The following RTL5 variants were observed in gnomAD, a reference collection of about 807,000 sequenced individuals.
RTL5 encodes the protein retrotransposon Gag like 5.
RTL5 carries 8 observed loss-of-function variants against 7.7 expected under a neutral mutation model. The observed-to-expected ratio is 1.04, with a 90% confidence interval of 0.61 to 1.88. The LOEUF is 1.88. Among genes scored for constraint, RTL5 ranks in the 40% most tolerant of loss-of-function variants. The probability of loss-of-function intolerance (pLI) is 0.00; values close to 1 mark genes in which losing one functional copy is unlikely to be tolerated. For synonymous variants in RTL5, 188 were observed against 191.8 expected (o/e 0.98, Z 0.16); for missense variants, 457 against 472.7 (o/e 0.97, Z 0.31).
chrX:72,131,292 TTCTCCCCCGGGAATG>T, exon 1 of RTL5: 1 of 1,198,308 alleles, frequency 8.3e-7, no homozygotes, highest in Non-Finnish European at 1.1e-6. Flanking sequence ...AGAAGGGCAG[TTCTCCCCCGGGAATG>T]ACTTCGATCT....
chrX:72,129,783 G>A, exon 1 of RTL5: 3 of 1,122,429 alleles, frequency 2.7e-6, no homozygotes, highest in East Asian at 6.0e-5. Context: ...GCAGGGGCGG[G>A]GGATGCAAAA....
chrX:72,131,092 C>A lies in RTL5; in HGVS notation c.449G>T (p.Arg150Leu). Reference sequence around the variant, plus strand: ...TCCTGAAAAGGGCTCTATCTCAGGCCGCTCCAGCGGTGCCAGAGGGGGTTG... The same window carrying A: ...TCCTGAAAAGGGCTCTATCTCAGGCAGCTCCAGCGGTGCCAGAGGGGGTTG... Residue 150 changes from arginine to leucine, a missense_variant, in exon 1 of 1, where the codon CGG (arginine) becomes CTG (leucine). Arg to Leu is a moderately radical substitution (Grantham distance 102). Coordinates refer to ENST00000609883, the Ensembl canonical transcript of RTL5. 8.3e-7 allele frequency: 1 copy of A among 1,208,499 alleles called. No individual in the cohort carries two copies. The highest frequency in any genetic ancestry group is 1.1e-6 in the Non-Finnish European group (1 of 894,267).
exon 1 of RTL5, chrX:72,131,439 G>A: frequency 8.3e-7 from 1 of 1,210,999 alleles, no homozygotes; most frequent in Non-Finnish European, 1.1e-6. Context: ...TCCCGAGCTG[G>A]AGGCCCAAAT....
chrX:72,129,493 T>G, exon 1 of RTL5: 1 of 228,432 alleles, frequency 4.4e-6, no homozygotes, highest in Non-Finnish European at 8.0e-6. Context: ...GAGGTGAGGG[T>G]TAGGAACAAC....
chrX:72,131,125 G>A, exon 1 of RTL5: 2 of 1,201,757 alleles, frequency 1.7e-6, no homozygotes, highest in Non-Finnish European at 2.2e-6. Flanking sequence ...TTGCGGGGGC[G>A]GTTCCTTTGA....
At position 72,131,296 on chromosome X, in the gene RTL5, C is replaced by A. The variant is rs1158538742; in HGVS notation, c.245G>T (p.Gly82Val). The change falls in exon 1 of 1, where the codon GGA becomes GTA. Residue 82 changes from glycine to valine, a missense_variant. Physicochemically the swap from Gly to Val is moderately radical, Grantham distance 109. Coordinates refer to ENST00000609883, the Ensembl canonical transcript of RTL5. The stretch of plus-strand genomic sequence containing the variant: ...AGGCCGGCACAAGAAGGGCAGTTCT[C>A]CCCCGGGAATGACTTCGATCTCACT... The A allele has an allele frequency of 4.2e-6, 5 of 1,195,595 alleles. No homozygotes were observed. The African/African-American group carries it at 7.2e-5, about 17-fold the overall frequency.
exon 1 of RTL5, chrX:72,131,777 C>T: frequency 4.3e-6 from 1 of 232,986 alleles, no homozygotes; most frequent in Non-Finnish European, 7.4e-6. Context: ...CCGGAGAGGG[C>T]GGGCGGAGGC....
exon 1 of RTL5, chrX:72,130,182 C>T: frequency 8.3e-7 from 1 of 1,210,798 alleles, no homozygotes; most frequent in South Asian, 1.8e-5. Flanking sequence ...CCAGTGGCTC[C>T]TCCTCCACCT....
chrX:72,129,463 T>G, exon 1 of RTL5: 1 of 179,862 alleles, frequency 5.6e-6, no homozygotes, highest in Non-Finnish European at 1.1e-5. Flanking sequence ...CTGTAGAACA[T>G]AGGGTGAAGA....
At chrX:72,129,670 C>T (rs2042263757) in exon 1 of RTL5, 2 of 528,579 alleles carry the variant, frequency 3.8e-6, no homozygotes, top group South Asian at 6.6e-5. Flanking sequence ...TCTCTGGTCA[C>T]GGTTGCAAGA....
Position 72,131,241 on chromosome X carries a change from C to CG in RTL5, c.299dup (p.Asp101GlyfsTer2). 1 of 1,202,356 alleles carries CG rather than the reference C, an allele frequency of 8.3e-7. No individual in the cohort carries two copies. The highest frequency in any genetic ancestry group is 3.0e-5 in the East Asian group (1 of 33,616). On this transcript the variant is annotated frameshift_variant, in exon 1 of 1. Transcript: ENST00000609883. LOFTEE classifies it low-confidence loss of function (END_TRUNC). ...GGATCACGTTAATCAAAAGATCATC[C>CG]GAGATACAGTCGGGCTCCGCGCGTG...
downstream of RTL5, chrX:72,127,630 GCCTCGAAGAATAGCAGGTCC>G (rs374321758): frequency 1.2e-4 from 12 of 103,702 alleles, no homozygotes; most frequent in African/African-American, 4.1e-4. Flanking sequence ...AGGGTCCACT[GCCTCGAAGAATAGCAGGTCC>G]CCTCGAAGAA....
rs761460044 is a variant in RTL5, at chrX:72,129,819, T to C, written c.*12A>G. 7.6e-6 allele frequency: 9 copies of C among 1,180,962 alleles called. No individual in the cohort carries two copies. In the Admixed American group the frequency reaches 2.1e-4, roughly 27 times the overall value. ...GAAGGGTGTGTTCTGGGTGGCCATCTGGCCCCAGCACTCAAACTCGAATTC... is the reference window on the plus strand; with the variant it reads ...GAAGGGTGTGTTCTGGGTGGCCATCCGGCCCCAGCACTCAAACTCGAATTC... On this transcript the variant is annotated 3_prime_UTR_variant, in exon 1 of 1. Transcript: ENST00000609883.
At chrX:72,131,015 C>A in exon 1 of RTL5, 1 of 1,210,861 alleles carries the variant, frequency 8.3e-7, no homozygotes, top group Non-Finnish European at 1.1e-6. Flanking sequence ...ACCTCATGGT[C>A]GGCTATGAAG....
exon 1 of RTL5, chrX:72,130,185 C>T (rs750966235): frequency 2.5e-6 from 3 of 1,210,924 alleles, no homozygotes; most frequent in Admixed American, 4.3e-5. Context: ...GTGGCTCCTC[C>T]TCCACCTCAC....
exon 1 of RTL5, chrX:72,130,347 T>TTCC (rs753322291): frequency 1.7e-6 from 2 of 1,160,402 alleles, no homozygotes; most frequent in Non-Finnish European, 2.3e-6. Context: ...TCATTTCCTC[T>TTCC]TCCTCCTCCT....
rs763116118 is a variant in RTL5 at position 72,130,071 on chromosome X, G to A, written c.1470C>T (p.Ala490=). 1.8e-5 allele frequency: 22 copies of A among 1,211,212 alleles called. No homozygotes were observed. The South Asian group carries it at 2.1e-4, about 12-fold the overall frequency. ...GAGGTGATGCACCCAGGAAGTTTTC[G>A]GCGTGGTAACCACTTGTGGGGCCAG... is the stretch of plus-strand genomic sequence containing the variant. The change falls in exon 1 of 1, where the codon GCC becomes GCT. Residue 490 remains alanine, a synonymous_variant. Coordinates refer to ENST00000609883, the Ensembl canonical transcript of RTL5.
chrX:72,131,089 G>A (rs1020046104), exon 1 of RTL5: 1 of 1,206,586 alleles, frequency 8.3e-7, no homozygotes, highest in Non-Finnish European at 1.1e-6. Flanking sequence ...CTCTATCTCA[G>A]GCCGCTCCAG....
chrX:72,127,425 A>G (rs993360891), downstream of RTL5: 3 of 111,268 alleles, frequency 2.7e-5, no homozygotes, highest in African/African-American at 9.8e-5. Context: ...CCTGCCCCAG[A>G]GGGTGGAAAC....
Sources: gnomAD v4.1 joint callset for allele counts on GRCh38, gnomAD v4.1.1 for gene constraint, MANE v1.5 for transcripts, NCBI Gene and HGNC (gene_info 2026-07-23, HGNC 2026-07-21) for gene names.